SNTG1: variants seen among roughly 807,000 people sequenced by gnomAD.
SNTG1 encodes the protein gamma-1-syntrophin.
SNTG1 carries 39 observed loss-of-function variants against 74.7 expected under a neutral mutation model. That is an observed-to-expected ratio of 0.52 (90% confidence interval 0.40 to 0.68). The LOEUF is 0.68. Ranked by LOEUF, SNTG1 falls within the 30% of genes least tolerant of loss-of-function variation. The pLI is 0.00. For synonymous variants in SNTG1, 254 were observed against 217.1 expected, an observed-to-expected ratio of 1.17 and a Z score of -1.49; for missense variants, 685 against 609.5, an observed-to-expected ratio of 1.12 and a Z score of -1.30.
intron 1 of SNTG1, among the ~76,000 whole-genome samples, chr8:50,137,106 C>T (rs574774200): frequency 3.9e-5 from 6 of 152,278 alleles, no homozygotes; most frequent in Admixed American, 6.5e-5. Context: ...CACAAAGACA[C>T]TCTAAGAAAT....
intron 1 of SNTG1, among the ~76,000 whole-genome samples, chr8:49,975,009 G>A (rs147008640): frequency 4.9e-4 from 74 of 152,154 alleles, no homozygotes; most frequent in Middle Eastern, 6.8e-3. Flanking sequence ...CCATGGACAC[G>A]TCCATGGAAA....
chr8:49,968,033 C>G (rs1214578629), intron 1 of SNTG1, among the ~76,000 whole-genome samples: 1 of 152,150 alleles, frequency 6.6e-6, no homozygotes, highest in Non-Finnish European at 1.5e-5. Flanking sequence ...TATTCATCTT[C>G]CAAGTCCAGT....
At chr8:50,055,349 G>A (rs778081192) in intron 1 of SNTG1, among the ~76,000 whole-genome samples, 8 of 151,776 alleles carry the variant, frequency 5.3e-5, no homozygotes, top group Non-Finnish European at 1.2e-4. Flanking sequence ...ATTATATCTT[G>A]CTTTGAAAAA....
chr8:50,430,439 G>A (rs2093220748), intron 4 of SNTG1, among the ~76,000 whole-genome samples: 1 of 152,024 alleles, frequency 6.6e-6, no homozygotes. Context: ...CTCTAACACA[G>A]AGAAACCTGG....
At chr8:50,060,939 G>T (rs931100838) in intron 1 of SNTG1, among the ~76,000 whole-genome samples, 11 of 152,052 alleles carry the variant, frequency 7.2e-5, no homozygotes, top group African/African-American at 2.7e-4. Context: ...TTTATATACT[G>T]TTGGATTCAG....
chr8:50,779,254 C>T (rs1279009713), intron 18 of SNTG1, among the ~76,000 whole-genome samples: 1 of 152,214 alleles, frequency 6.6e-6, no homozygotes, highest in East Asian at 1.9e-4. Flanking sequence ...TCATTGGTAG[C>T]TTGATGGGGA....
chr8:50,792,726 C>T lies in SNTG1; in HGVS notation c.1451C>T (p.Ala484Val), dbSNP rs747792869. The T allele has an allele frequency of 1.2e-6, 2 of 1,612,460 alleles. No individual in the cohort carries two copies. Among genetic ancestry groups the T allele is most frequent in the South Asian group, 1.1e-5 (1 of 90,996 alleles). ...AVLHCIHSFF[A>V]AKVACLDPLF... Reference sequence around the variant, plus strand: ...CTTCACTGCATTCATTCCTTCTTTGCTGCCAAGGTAGCTTGTTTGGACCCT... The same window carrying T: ...CTTCACTGCATTCATTCCTTCTTTGTTGCCAAGGTAGCTTGTTTGGACCCT... Residue 484 changes from alanine to valine, a missense_variant, in exon 19 of 19, where the codon GCT becomes GTT. Ala to Val is a moderately conservative substitution (Grantham distance 64). Transcript: ENST00000642720.
At chr8:50,614,047 G>A (rs1376660651) in intron 13 of SNTG1, among the ~76,000 whole-genome samples, 1 of 152,046 alleles carries the variant, frequency 6.6e-6, no homozygotes, top group Non-Finnish European at 1.5e-5. Context: ...TGGAGCTGGA[G>A]GAGAGAAAGA....
chr8:50,502,955 G>A lies in SNTG1; in HGVS notation c.466+75G>A. The A allele has an allele frequency of 3.2e-6, 4 of 1,235,338 alleles. No homozygotes were observed. In the South Asian group the frequency reaches 5.9e-5, roughly 18 times the overall value. The allele number at this position is 1,235,338 out of a possible 1,614,324, so 76.5% of individuals were successfully genotyped here. On this transcript the variant is annotated intron_variant, in intron 9 of 18. Transcript: ENST00000642720. ...ATAATTATTATTTTGACAATAATTG[G>A]TGATTTCTTCTTAAAGTTGAGATTT...
intron 1 of SNTG1, among the ~76,000 whole-genome samples, chr8:49,944,379 G>T (rs1808966501): frequency 6.6e-6 from 1 of 151,544 alleles, no homozygotes; most frequent in Admixed American, 6.6e-5. Flanking sequence ...GAAATATTTG[G>T]AAAAAAAGAT....
intron 1 of SNTG1, among the ~76,000 whole-genome samples, chr8:50,079,122 A>C (rs1239225748): frequency 6.6e-6 from 1 of 152,204 alleles, no homozygotes; most frequent in Non-Finnish European, 1.5e-5. Context: ...TAGAACCTTG[A>C]GGAATCGCCA....
At chr8:50,565,408 T>C (rs1212273439) in intron 12 of SNTG1, among the ~76,000 whole-genome samples, 2 of 152,042 alleles carry the variant, frequency 1.3e-5, no homozygotes, top group African/African-American at 4.8e-5. Context: ...ATGCCAATAA[T>C]AGGGGAGACT....
intron 17 of SNTG1, among the ~76,000 whole-genome samples, chr8:50,729,612 A>G (rs566768791): frequency 6.6e-6 from 1 of 152,286 alleles, no homozygotes; most frequent in East Asian, 1.9e-4. Flanking sequence ...CTTTGTATTG[A>G]GAACTACACC....
intron 13 of SNTG1, among the ~76,000 whole-genome samples, chr8:50,630,582 A>G (rs916455258): frequency 4.5e-4 from 69 of 152,302 alleles, no homozygotes; most frequent in Admixed American, 2.5e-3. Flanking sequence ...AATTTATTTT[A>G]TATATAAATA....
intron 17 of SNTG1, among the ~76,000 whole-genome samples, chr8:50,725,540 C>A (rs565545538): frequency 1.3e-5 from 2 of 152,250 alleles, no homozygotes; most frequent in Admixed American, 6.5e-5. Flanking sequence ...TTACTGCTTA[C>A]AAACTCTACA....
At position 50,726,939 on chromosome 8, in the gene SNTG1, G is replaced by T. The variant is rs544439831; in HGVS notation, c.1284+17961G>T. On this transcript the variant is annotated intron_variant, in intron 17 of 18. Transcript: ENST00000642720. ...GAAGGATTTTGTGTGTCTTAACAAG[G>T]ATTTAAATCTGATCATGATACTACC... Among the ~76,000 whole-genome samples the T allele has an allele frequency of 7.1e-4, 108 of 152,196 alleles. 1 individual carries two copies. Among genetic ancestry groups the T allele is most frequent in the Non-Finnish European group, 1.2e-3 (79 of 68,020 alleles).
intron 2 of SNTG1, among the ~76,000 whole-genome samples, chr8:50,197,053 A>G (rs1447256220): frequency 1.3e-5 from 2 of 152,076 alleles, no homozygotes; most frequent in East Asian, 1.9e-4. Context: ...TTTAAAATAA[A>G]AGATACCACT....
At chr8:50,591,645 T>G (rs2094692382) in intron 13 of SNTG1, among the ~76,000 whole-genome samples, 1 of 152,258 alleles carries the variant, frequency 6.6e-6, no homozygotes, top group East Asian at 1.9e-4. Flanking sequence ...TCTAAATGTT[T>G]ACACTTGTTC....
At chr8:50,045,251 C>T (rs1001125436) in intron 1 of SNTG1, among the ~76,000 whole-genome samples, 5 of 152,150 alleles carry the variant, frequency 3.3e-5, no homozygotes, top group African/African-American at 9.7e-5. Flanking sequence ...TTAATTGGCT[C>T]ATTTTTTCTG....
Sources: gnomAD v4.1 joint callset for allele counts (sites outside exome capture counted in the v4.1 genomes callset) on GRCh38, gnomAD v4.1.1 for gene constraint, MANE v1.5 for transcripts, NCBI Gene and HGNC (gene_info 2026-07-23, HGNC 2026-07-21) for gene names.